The following OTOGL variants were observed in gnomAD, a reference collection of about 807,000 sequenced individuals.
The protein encoded by OTOGL is otogelin-like protein.
In OTOGL, 285 loss-of-function variants were observed where a neutral mutation model predicts 318.5. That is an observed-to-expected ratio of 0.89 (90% CI 0.81 to 0.99). The LOEUF (loss-of-function observed/expected upper bound fraction) is 0.99, where lower values mean the gene tolerates loss of function less well. Among genes scored for constraint, OTOGL ranks in the 50% least tolerant of loss-of-function variants. The pLI is 0.00. For synonymous variants in OTOGL, 987 were observed against 936.5 expected, an observed-to-expected ratio of 1.05 and a Z score of -0.99; for missense variants, 2,899 against 2,845.6, an observed-to-expected ratio of 1.02 and a Z score of -0.43.
intron 26 of OTOGL, among the ~76,000 whole-genome samples, chr12:80,283,771 A>T (rs1426705552): frequency 4.6e-5 from 7 of 152,136 alleles, no homozygotes; most frequent in Non-Finnish European, 8.8e-5. Flanking sequence ...CACTTCTTAA[A>T]CCTTAGTGTG....
intron 1 of OTOGL, among the ~76,000 whole-genome samples, chr12:80,125,680 G>A (rs1870782759): frequency 1.3e-5 from 2 of 152,134 alleles, no homozygotes; most frequent in African/African-American, 2.4e-5. Context: ...GACTTTTTTT[G>A]GTTGGTAAGC....
intron 9 of OTOGL, among the ~76,000 whole-genome samples, chr12:80,235,521 T>C (rs956274256): frequency 5.3e-5 from 8 of 149,852 alleles, no homozygotes; most frequent in Middle Eastern, 3.5e-3. Context: ...TCTCCTGGGA[T>C]GCCCAGGGAA....
chr12:80,252,275 G>A (rs781309032), intron 13 of OTOGL, 74 bp downstream of exon 13: 117 of 1,422,518 alleles, frequency 8.2e-5, no homozygotes, highest in East Asian at 1.6e-4. Context: ...TCACATCTTC[G>A]TTTTGCTGTC....
rs1443018578 is a variant in OTOGL, at chr12:80,342,040, T to C, written c.5143T>C (p.Trp1715Arg). 1.2e-6 allele frequency: 2 copies of C among 1,607,746 alleles called. No individual in the cohort carries two copies. Among genetic ancestry groups the C allele is most frequent in the African/African-American group, 1.3e-5 (1 of 74,984 alleles). The stretch of plus-strand genomic sequence containing the variant: ...AGACATAGGATTATTTATTGAGAGC[T>C]GGGAAATTGAGAAATCATTTGAAGT... ...MEDIGLFIES[W>R]EIEKSFEVTM... is the part of the protein sequence containing the mutation. The change falls in exon 44 of 59, where the codon TGG becomes CGG. Residue 1715 changes from tryptophan to arginine, a missense_variant. Physicochemically the swap from Trp to Arg is moderately radical, Grantham distance 101. Transcript: ENST00000547103.
chr12:80,358,304 G>A lies in OTOGL; in HGVS notation c.6076G>A (p.Val2026Ile), dbSNP rs1412332644. The A allele has an allele frequency of 1.2e-6, 2 of 1,611,444 alleles. No homozygotes were observed. Among genetic ancestry groups the A allele is most frequent in the Non-Finnish European group, 1.7e-6 (2 of 1,178,308 alleles). ...PLCHDGEFLT[V>I]DLNSTHFCCP... Reference sequence around the variant, plus strand: ...ATGTCATGATGGGGAATTTCTCACAGTAGATCTTAATAGCACACACTTCTG... The same window carrying A: ...ATGTCATGATGGGGAATTTCTCACAATAGATCTTAATAGCACACACTTCTG... The change falls in exon 50 of 59, where the codon GTA becomes ATA. Residue 2026 changes from valine (V) to isoleucine (I), a missense_variant. Transcript: ENST00000547103.
intron 26 of OTOGL, among the ~76,000 whole-genome samples, chr12:80,289,420 C>A (rs1884874299): frequency 6.6e-6 from 1 of 152,342 alleles, no homozygotes; most frequent in East Asian, 1.9e-4. Flanking sequence ...GGAGCTTGAG[C>A]ATTCTGCTGT....
chr12:80,209,324 C>G (rs78649352), intron 1 of OTOGL, 89 bp from the exon 2 acceptor site: 1 of 617,350 alleles, frequency 1.6e-6, no homozygotes, highest in African/African-American at 1.9e-5. Flanking sequence ...TATTACATAG[C>G]TATATTTATT....
chr12:80,208,072 G>A, intron 1 of OTOGL: 2 of 440,286 alleles, frequency 4.5e-6, no homozygotes, highest in Non-Finnish European at 9.0e-6. Flanking sequence ...GTACATGTGT[G>A]TGTGCTGGAG....
chr12:80,124,422 G>T (rs1345240357), intron 1 of OTOGL, among the ~76,000 whole-genome samples: 1 of 152,298 alleles, frequency 6.6e-6, no homozygotes, highest in Admixed American at 6.5e-5. Context: ...CCAGTACCAT[G>T]CTGTTTTGGT....
intron 1 of OTOGL, among the ~76,000 whole-genome samples, chr12:80,126,408 T>C (rs1870841056): frequency 6.6e-6 from 1 of 152,180 alleles, no homozygotes; most frequent in Admixed American, 6.5e-5. Flanking sequence ...TAAGAGACAG[T>C]TTGTTATAAT....
intron 29 of OTOGL, among the ~76,000 whole-genome samples, chr12:80,309,998 A>G (rs1886523792): frequency 6.6e-6 from 1 of 152,210 alleles, no homozygotes; most frequent in Admixed American, 6.5e-5. Context: ...ACAGCAGCCA[A>G]TGTAGCAAGA....
chr12:80,234,298 T>C (rs908820295), intron 9 of OTOGL, among the ~76,000 whole-genome samples: 27 of 152,144 alleles, frequency 1.8e-4, no homozygotes, highest in African/African-American at 6.3e-4. Flanking sequence ...ACTGTCAGGG[T>C]TGGATTACAG....
At position 80,232,946 on chromosome 12, in the gene OTOGL, C is replaced by A; in HGVS notation, c.666C>A (p.Tyr222Ter). ...GQIFIEKLAD[Y>*]ILVKTTFGFS... ...TTTTCATTGAGAAACTAGCTGACTA[C>A]ATTCTTGTGAAAACAACCTTTGGCT... Residue 222 changes from tyrosine (Y) to a stop codon, truncating the protein, a stop_gained, in exon 9 of 59, where the codon TAC (tyrosine) becomes TAA (stop). Coordinates refer to ENST00000547103, the MANE Select transcript of OTOGL (RefSeq NM_001378609.3). LOFTEE classifies it high-confidence loss of function. The A allele has an allele frequency of 6.3e-7, 1 of 1,599,298 alleles. No homozygotes were observed. Among genetic ancestry groups the A allele is most frequent in the South Asian group, 1.1e-5 (1 of 91,072 alleles).
At chr12:80,196,738 A>G (rs965764473) in intron 1 of OTOGL, among the ~76,000 whole-genome samples, 1 of 152,200 alleles carries the variant, frequency 6.6e-6, no homozygotes, top group Admixed American at 6.5e-5. Context: ...GATGAAAGCC[A>G]CTGTAACCCC....
At chr12:80,331,903 A>G (rs575050965) in intron 37 of OTOGL, among the ~76,000 whole-genome samples, 1 of 152,286 alleles carries the variant, frequency 6.6e-6, no homozygotes, top group African/African-American at 2.4e-5. Context: ...TGATGTGACA[A>G]TAGAATCAGA....
intron 19 of OTOGL, among the ~76,000 whole-genome samples, chr12:80,262,817 T>C (rs1190819591): frequency 6.6e-6 from 1 of 152,210 alleles, no homozygotes; most frequent in Non-Finnish European, 1.5e-5. Flanking sequence ...ATATATATAA[T>C]TGTGAAAAAA....
At chr12:80,197,608 C>A (rs1876167842) in intron 1 of OTOGL, among the ~76,000 whole-genome samples, 1 of 152,222 alleles carries the variant, frequency 6.6e-6, no homozygotes, top group Admixed American at 6.5e-5. Context: ...AGCCTGCAGA[C>A]TTCTGCTACC....
intron 1 of OTOGL, among the ~76,000 whole-genome samples, chr12:80,124,196 T>C (rs1340285685): frequency 6.6e-6 from 1 of 152,232 alleles, no homozygotes; most frequent in East Asian, 1.9e-4. Context: ...CTTTAATCCA[T>C]CTTGAATTAA....
chr12:80,368,391 C>CA, intron 55 of OTOGL, 82 bp downstream of exon 55: 2 of 875,612 alleles, frequency 2.3e-6, no homozygotes, highest in Non-Finnish European at 3.6e-6. Flanking sequence ...TGTCCCCCCC[C>CA]ACACACACTG....
Sources: gnomAD v4.1 joint callset for allele counts (sites outside exome capture counted in the v4.1 genomes callset) on GRCh38, gnomAD v4.1.1 for gene constraint, MANE v1.5 for transcripts, NCBI Gene and HGNC (gene_info 2026-07-23, HGNC 2026-07-21) for gene names.